The following RABGAP1L variants were observed in gnomAD, a reference collection of about 807,000 sequenced individuals.
RABGAP1L encodes the protein RAB GTPase activating protein 1 like, also known as rab GTPase-activating protein 1-like.
In RABGAP1L, 63 loss-of-function variants were observed where a neutral mutation model predicts 137.7. That is an observed-to-expected ratio of 0.46 (90% CI 0.37 to 0.56). The LOEUF is 0.56. RABGAP1L is among the 20% of genes least tolerant of loss of function. The pLI is 0.00. For synonymous variants in RABGAP1L, 431 were observed against 433.7 expected, an observed-to-expected ratio of 0.99 and a Z score of 0.08; for missense variants, 1,095 against 1,244.0, an observed-to-expected ratio of 0.88 and a Z score of 1.80.
chr1:174,408,943 C>T (rs541193249), intron 13 of RABGAP1L, among the ~76,000 whole-genome samples: 2 of 152,086 alleles, frequency 1.3e-5, no homozygotes, highest in South Asian at 4.1e-4. Flanking sequence ...TTTTAAGTTC[C>T]TTATAGATTC....
At chr1:174,916,381 C>T (rs1387559033) in intron 19 of RABGAP1L, among the ~76,000 whole-genome samples, 1 of 152,106 alleles carries the variant, frequency 6.6e-6, no homozygotes, top group Non-Finnish European at 1.5e-5. Flanking sequence ...CCTGAAATGA[C>T]CTCACAACAC....
chr1:174,197,656 G>A (rs1345013077), intron 1 of RABGAP1L, among the ~76,000 whole-genome samples: 1 of 151,962 alleles, frequency 6.6e-6, no homozygotes, highest in East Asian at 1.9e-4. Flanking sequence ...AAAATTAGCC[G>A]GGCATTGGTT....
Position 174,566,081 on chromosome 1 carries a change from C to T in RABGAP1L, c.1711-71294C>T, listed in dbSNP as rs529503234. 2.0e-4 allele frequency among the ~76,000 whole-genome samples: 30 copies of T among 152,092 alleles called. 1 individual carries two copies. In the South Asian group the frequency reaches 5.8e-3, roughly 30 times the overall value. On this transcript the variant is annotated intron_variant, in intron 13 of 25. Coordinates refer to ENST00000681986, the MANE Select transcript of RABGAP1L (RefSeq NM_001366446.1). ...TTTTTGTAGAAATTAGGTTTTACCA[C>T]GTTGCCCAGGCTAATACTTTACTTT...
At chr1:174,680,286 A>G (rs950863672) in intron 14 of RABGAP1L, among the ~76,000 whole-genome samples, 5 of 152,218 alleles carry the variant, frequency 3.3e-5, no homozygotes, top group Admixed American at 2.6e-4. Context: ...TGATTGCATC[A>G]TGAGGGCGGA....
In RABGAP1L at chr1:174,598,927, G is replaced by T. The variant is rs556290719; in HGVS notation, c.1711-38448G>T. Among the ~76,000 whole-genome samples, 66 of 151,988 alleles carry T rather than the reference G, an allele frequency of 4.3e-4. 1 individual carries two copies. The South Asian group carries it at 0.013, about 30-fold the overall frequency. ...TTCAATATTGTTATTGATAAACTAA[G>T]GACCTACTCCTGCTATTTTGCTGTT... On this transcript the variant is annotated intron_variant, in intron 13 of 25. Transcript: ENST00000681986.
At chr1:174,655,623 G>T (rs1197359341) in intron 14 of RABGAP1L, among the ~76,000 whole-genome samples, 1 of 152,040 alleles carries the variant, frequency 6.6e-6, no homozygotes, top group Non-Finnish European at 1.5e-5. Context: ...GTAATTAATA[G>T]GTATTTTGTG....
rs995658230 is a variant in RABGAP1L, at chr1:174,988,782, G to C, written c.2947G>C (p.Glu983Gln). 1.9e-6 allele frequency: 3 copies of C among 1,549,668 alleles called. No homozygotes were observed. The African/African-American group carries it at 4.1e-5, about 21-fold the overall frequency. The part of the protein sequence containing the change: ...DSLKKQLREM[E>Q]LELAQTKLQL... Reference sequence around the variant, plus strand: ...ACTTAAGAAGCAGCTGAGAGAGATGGAACTGGAACTGGCACAAACCAAACT... The same window carrying C: ...ACTTAAGAAGCAGCTGAGAGAGATGCAACTGGAACTGGCACAAACCAAACT... The change falls in exon 25 of 26, where the codon GAA (glutamate) becomes CAA (glutamine). Residue 983 changes from glutamate to glutamine, a missense_variant. This residue lies in a region of RABGAP1L where 312 missense variants were observed against 435.6 expected (regional missense o/e 0.72). Coordinates refer to ENST00000681986, the MANE Select transcript of RABGAP1L (RefSeq NM_001366446.1).
chr1:174,914,955 T>A (rs941754709), intron 19 of RABGAP1L, among the ~76,000 whole-genome samples: 1 of 152,258 alleles, frequency 6.6e-6, no homozygotes, highest in Non-Finnish European at 1.5e-5. Context: ...GATTTTGAGG[T>A]TAATCTCTGC....
At chr1:174,697,415 A>T (rs980508190) in intron 15 of RABGAP1L, among the ~76,000 whole-genome samples, 1 of 151,912 alleles carries the variant, frequency 6.6e-6, no homozygotes, top group African/African-American at 2.4e-5. Context: ...TCCACCTCCC[A>T]GGTCAAGCAG....
intron 3 of RABGAP1L, among the ~76,000 whole-genome samples, chr1:174,230,314 A>G (rs1277543000): frequency 6.6e-6 from 1 of 152,028 alleles, no homozygotes; most frequent in African/African-American, 2.4e-5. Flanking sequence ...GAGTTAATGG[A>G]TGCAGCACAC....
chr1:174,789,727 G>A (rs750817701), intron 18 of RABGAP1L, among the ~76,000 whole-genome samples: 4 of 152,084 alleles, frequency 2.6e-5, no homozygotes, highest in South Asian at 2.1e-4. Context: ...AGGAAACAGA[G>A]GTTCTAAGGC....
intron 13 of RABGAP1L, among the ~76,000 whole-genome samples, chr1:174,620,172 C>T (rs749042518): frequency 1.3e-5 from 2 of 152,170 alleles, no homozygotes; most frequent in Non-Finnish European, 2.9e-5. Context: ...TAGACTCCCA[C>T]ACAATAATAA....
chr1:174,483,041 A>G (rs900218137), intron 13 of RABGAP1L, among the ~76,000 whole-genome samples: 4 of 152,098 alleles, frequency 2.6e-5, no homozygotes, highest in Non-Finnish European at 4.4e-5. Flanking sequence ...ATTACATGAG[A>G]TATTTTGATA....
intron 18 of RABGAP1L, among the ~76,000 whole-genome samples, chr1:174,781,978 A>G (rs930106194): frequency 1.1e-4 from 17 of 152,166 alleles, no homozygotes; most frequent in Non-Finnish European, 2.2e-4. Context: ...GCCTTGTAAT[A>G]TAATTTGAAG....
At chr1:174,817,791 G>C (rs919654678) in intron 19 of RABGAP1L, among the ~76,000 whole-genome samples, 24 of 152,170 alleles carry the variant, frequency 1.6e-4, no homozygotes, top group Admixed American at 3.9e-4. Context: ...TAGGTGAGAA[G>C]AGACCAGAGT....
At position 174,808,387 on chromosome 1, in the gene RABGAP1L, G is replaced by A. The variant is rs533458727; in HGVS notation, c.2212-3445G>A. On this transcript the variant is annotated intron_variant, in intron 18 of 25. Coordinates refer to ENST00000681986, the MANE Select transcript of RABGAP1L (RefSeq NM_001366446.1). ...GAAGGTTTCTTGAGCCCAGGAGTTC[G>A]AGGCTGCAGTGAGCTATGATTGCAC... Among the ~76,000 whole-genome samples the A allele has an allele frequency of 1.3e-3, 197 of 152,134 alleles. 5 individuals carry two copies. In the South Asian group the frequency reaches 0.039, roughly 30 times the overall value.
intron 21 of RABGAP1L, among the ~76,000 whole-genome samples, chr1:174,975,617 T>G (rs1477661243): frequency 6.6e-6 from 1 of 152,186 alleles, no homozygotes. Flanking sequence ...TGCTCCCCTC[T>G]CTGAGTCAAC....
At chr1:174,222,602 C>G (rs1441277878) in intron 3 of RABGAP1L, among the ~76,000 whole-genome samples, 1 of 152,118 alleles carries the variant, frequency 6.6e-6, no homozygotes, top group African/African-American at 2.4e-5. Flanking sequence ...CTTGCTTAAT[C>G]AAATATCTAT....
At chr1:174,754,711 A>T (rs1435340001) in intron 18 of RABGAP1L, among the ~76,000 whole-genome samples, 7 of 152,140 alleles carry the variant, frequency 4.6e-5, no homozygotes, top group Admixed American at 4.6e-4. Flanking sequence ...TATGTTGCTC[A>T]GGCTGGTCTC....
Sources: gnomAD v4.1 joint callset for allele counts (sites outside exome capture counted in the v4.1 genomes callset) on GRCh38, gnomAD v4.1.1 for gene constraint, gnomAD v4.1.1 regional missense constraint, MANE v1.5 for transcripts, NCBI Gene and HGNC (gene_info 2026-07-23, HGNC 2026-07-21) for gene names.